The following CCDC7 variants were observed in gnomAD, a reference collection of about 807,000 sequenced individuals.
CCDC7 encodes the protein coiled-coil domain containing 7.
A neutral mutation model predicts 196.9 loss-of-function variants in CCDC7; 183 were observed. The observed-to-expected ratio is 0.93, with a 90% CI of 0.82 to 1.05. CCDC7 has a LOEUF of 1.05. CCDC7 is among the 50% of genes least tolerant of loss of function. The pLI is 0.00. For synonymous variants in CCDC7, 525 were observed against 484.6 expected, an observed-to-expected ratio of 1.08 and a Z score of -1.10; for missense variants, 1,540 against 1,482.2, an observed-to-expected ratio of 1.04 and a Z score of -0.64.
At chr10:32,743,201 T>C (rs1348423100) in intron 28 of CCDC7, among the ~76,000 whole-genome samples, 1 of 152,242 alleles carries the variant, frequency 6.6e-6, no homozygotes, top group Non-Finnish European at 1.5e-5. Flanking sequence ...CTGGATTATA[T>C]GACAAGAATA....
chr10:32,620,675 C>T (rs58783140), intron 18 of CCDC7, among the ~76,000 whole-genome samples: 13,053 of 152,178 alleles, frequency 0.086, 880 homozygotes, highest in South Asian at 0.25. Flanking sequence ...TTTCCACTGT[C>T]CAGCCATGGC....
Position 32,479,758 on chromosome 10 carries a change from G to A in CCDC7, c.796+5735G>A, listed in dbSNP as rs763020216. Among the ~76,000 whole-genome samples the A allele has an allele frequency of 2.6e-5, 4 of 151,846 alleles. No individual in the cohort carries two copies. In the East Asian group the frequency reaches 5.8e-4, roughly 22 times the overall value. ...GTATTCCTTCCTCTTCAAGATTTTCGAAGAATTCGAGAAGGATTCTACTAG... is the reference window on the plus strand; with the variant it reads ...GTATTCCTTCCTCTTCAAGATTTTCAAAGAATTCGAGAAGGATTCTACTAG... On this transcript the variant is annotated intron_variant, in intron 8 of 41. Transcript: ENST00000639629.
At chr10:32,725,394 A>T (rs1453042283) in intron 25 of CCDC7, 3 of 470,794 alleles carry the variant, frequency 6.4e-6, no homozygotes, top group Non-Finnish European at 1.3e-5. Flanking sequence ...TATGTTTCAA[A>T]TACTGTATTT....
At chr10:32,680,698 G>A (rs2075739014) in intron 21 of CCDC7, among the ~76,000 whole-genome samples, 1 of 152,246 alleles carries the variant, frequency 6.6e-6, no homozygotes, top group East Asian at 1.9e-4. Flanking sequence ...CTATTTGCCT[G>A]TCATCTTGGC....
chr10:32,500,638 A>C (rs1368454151), intron 9 of CCDC7, among the ~76,000 whole-genome samples: 1 of 151,994 alleles, frequency 6.6e-6, no homozygotes, highest in Non-Finnish European at 1.5e-5. Context: ...CACTTCCAAG[A>C]TGGGGTGGCG....
intron 11 of CCDC7, among the ~76,000 whole-genome samples, chr10:32,531,960 T>C (rs1036104759): frequency 6.6e-6 from 1 of 152,168 alleles, no homozygotes; most frequent in Non-Finnish European, 1.5e-5. Flanking sequence ...TAAAGGCTTA[T>C]CAATGTTGTT....
intron 3 of CCDC7, among the ~76,000 whole-genome samples, chr10:32,458,203 G>A (rs2034781694): frequency 6.6e-6 from 1 of 152,006 alleles, no homozygotes; most frequent in African/African-American, 2.4e-5. Context: ...GCTGATTTTT[G>A]CATATGGTGA....
intron 13 of CCDC7, among the ~76,000 whole-genome samples, chr10:32,559,672 A>T (rs1426359595): frequency 3.3e-5 from 5 of 152,198 alleles, no homozygotes; most frequent in African/African-American, 1.2e-4. Context: ...ACCCATCTGT[A>T]TGTCACCATC....
chr10:32,574,807 C>T (rs906919509), intron 16 of CCDC7, among the ~76,000 whole-genome samples: 1 of 152,134 alleles, frequency 6.6e-6, no homozygotes, highest in Admixed American at 6.5e-5. Context: ...TTCATTATTA[C>T]TTGGGTTTGC....
At chr10:32,817,726 C>T (rs1272530866) in intron 31 of CCDC7, among the ~76,000 whole-genome samples, 4 of 152,150 alleles carry the variant, frequency 2.6e-5, no homozygotes, top group Non-Finnish European at 4.4e-5. Context: ...AATTTCATAT[C>T]CAGCCAAACT....
At chr10:32,598,593 GA>G (rs2060667739) in intron 18 of CCDC7, among the ~76,000 whole-genome samples, 1 of 152,148 alleles carries the variant, frequency 6.6e-6, no homozygotes, top group African/African-American at 2.4e-5. Flanking sequence ...CTGCAGACTG[GA>G]GCTGTTCCTA....
intron 13 of CCDC7, among the ~76,000 whole-genome samples, chr10:32,561,970 TCACCACCGATCC>T (rs780811295): frequency 0.04 from 6,021 of 151,972 alleles, 120 homozygotes; most frequent in Middle Eastern, 0.051. Flanking sequence ...AAAGGGGATA[TCACCACCGATCC>T]CACAGAAATA....
In CCDC7 at chr10:32,698,158, T is replaced by G. The variant is rs143430642; in HGVS notation, c.2458+3166T>G. On this transcript the variant is annotated intron_variant, in intron 24 of 41. Coordinates refer to ENST00000639629, the Ensembl canonical transcript of CCDC7. ...CTAACAGAAAGGAATGGCATCAATATCAACAAAAACAACATCCACAACAAA... is the reference window on the plus strand; with the variant it reads ...CTAACAGAAAGGAATGGCATCAATAGCAACAAAAACAACATCCACAACAAA... 7.2e-5 allele frequency among the ~76,000 whole-genome samples: 11 copies of G among 152,074 alleles called. No homozygotes were observed. In the East Asian group the frequency reaches 1.2e-3, roughly 16 times the overall value.
intron 21 of CCDC7, 65 bp from the exon 23 acceptor site, chr10:32,685,905 A>G: frequency 2.2e-6 from 2 of 915,690 alleles, no homozygotes; most frequent in Admixed American, 2.8e-5. Context: ...TAAATTTGAA[A>G]CACAGAAATT....
intron 41 of CCDC7, among the ~76,000 whole-genome samples, chr10:32,871,847 T>C (rs1467998912): frequency 6.6e-6 from 1 of 152,214 alleles, no homozygotes; most frequent in Non-Finnish European, 1.5e-5. Context: ...TCTGCCTTCA[T>C]TTCATTATGT....
At chr10:32,585,628 G>C (rs1481743602) in intron 18 of CCDC7, among the ~76,000 whole-genome samples, 1 of 152,042 alleles carries the variant, frequency 6.6e-6, no homozygotes, top group Non-Finnish European at 1.5e-5. Context: ...TGTGGTGTTT[G>C]GTTTTCTGTT....
chr10:32,584,340 T>C (rs752437674), intron 18 of CCDC7, 36 bp downstream of exon 19: 2 of 1,314,370 alleles, frequency 1.5e-6, no homozygotes, highest in South Asian at 2.7e-5. Context: ...GAAAATGTGA[T>C]TGAATGATTA....
intron 9 of CCDC7, among the ~76,000 whole-genome samples, chr10:32,515,782 C>T (rs1238723557): frequency 2.6e-5 from 4 of 151,902 alleles, no homozygotes; most frequent in Non-Finnish European, 5.9e-5. Flanking sequence ...CCTCGTGATC[C>T]GCCCACCTCG....
At chr10:32,475,105 G>A (rs1256175869) in intron 8 of CCDC7, among the ~76,000 whole-genome samples, 1 of 152,164 alleles carries the variant, frequency 6.6e-6, no homozygotes, top group Non-Finnish European at 1.5e-5. Context: ...GGAATCCTTT[G>A]TACATCTATG....
Sources: allele counts gnomAD v4.1 joint callset (sites outside exome capture counted in the v4.1 genomes callset), GRCh38; gene constraint gnomAD v4.1.1; transcripts MANE v1.5; gene names NCBI Gene and HGNC (gene_info 2026-07-23, HGNC 2026-07-21).